Variants in GABBR2 observed in about 807,000 individuals in gnomAD.
GABBR2 encodes the protein gamma-aminobutyric acid type B receptor subunit 2.
GABBR2 carries 23 observed loss-of-function variants against 105.6 expected under a neutral mutation model. The observed-to-expected ratio is 0.22, with a 90% CI of 0.16 to 0.31. The LOEUF (loss-of-function observed/expected upper bound fraction) is 0.31. Ranked by LOEUF, GABBR2 falls within the 10% of genes least tolerant of loss-of-function variation. GABBR2 has a pLI of 1.00. For synonymous variants in GABBR2, 478 were observed against 499.7 expected, an observed-to-expected ratio of 0.96 and a Z score of 0.58; for missense variants, 734 against 1,245.5, an observed-to-expected ratio of 0.59 and a Z score of 6.18.
chr9:98,402,034 G>A (rs554211175), intron 8 of GABBR2, among the ~76,000 whole-genome samples: 2 of 152,260 alleles, frequency 1.3e-5, no homozygotes, highest in South Asian at 2.1e-4. Context: ...CAATTATGTC[G>A]TTAGAGTGAA....
At chr9:98,340,432 C>CTT (rs201062238) in intron 13 of GABBR2, among the ~76,000 whole-genome samples, 1 of 147,466 alleles carries the variant, frequency 6.8e-6, no homozygotes, top group African/African-American at 2.5e-5. Flanking sequence ...CTCTCTCTCT[C>CTT]TTTTTTTTTT....
intron 4 of GABBR2, among the ~76,000 whole-genome samples, chr9:98,489,111 A>C (rs1827121492): frequency 6.6e-6 from 1 of 152,226 alleles, no homozygotes; most frequent in Non-Finnish European, 1.5e-5. Context: ...GTGGTAAATG[A>C]ATGTGTTCCT....
intron 1 of GABBR2, among the ~76,000 whole-genome samples, chr9:98,647,617 C>T (rs1564140593): frequency 6.6e-6 from 1 of 152,188 alleles, no homozygotes; most frequent in South Asian, 2.1e-4. Flanking sequence ...GCCCTATCCC[C>T]CTGGATACTG....
At chr9:98,655,882 G>A (rs1830177219) in intron 1 of GABBR2, among the ~76,000 whole-genome samples, 1 of 152,164 alleles carries the variant, frequency 6.6e-6, no homozygotes, top group Admixed American at 6.5e-5. Context: ...AATACCTAAT[G>A]TAGATCACGG....
intron 1 of GABBR2, among the ~76,000 whole-genome samples, chr9:98,603,670 G>A (rs1168956954): frequency 2.0e-5 from 3 of 152,166 alleles, no homozygotes; most frequent in Non-Finnish European, 4.4e-5. Flanking sequence ...ACAAAGATGT[G>A]ATTTTCCCAA....
intron 7 of GABBR2, among the ~76,000 whole-genome samples, chr9:98,435,959 TG>T (rs2131579236): frequency 6.6e-6 from 1 of 152,208 alleles, no homozygotes; most frequent in East Asian, 1.9e-4. Flanking sequence ...TATATTTAAA[TG>T]GTTATTCGGA....
At chr9:98,567,833 G>C (rs1828773115) in intron 2 of GABBR2, among the ~76,000 whole-genome samples, 1 of 152,168 alleles carries the variant, frequency 6.6e-6, no homozygotes, top group Non-Finnish European at 1.5e-5. Flanking sequence ...CCAGTCCTCT[G>C]TTCAGTCTCC....
intron 13 of GABBR2, among the ~76,000 whole-genome samples, chr9:98,324,709 G>A (rs940940739): frequency 3.3e-5 from 5 of 152,196 alleles, no homozygotes; most frequent in Non-Finnish European, 5.9e-5. Flanking sequence ...TACCTGGGTA[G>A]CAGCAGGCCA....
intron 7 of GABBR2, among the ~76,000 whole-genome samples, chr9:98,410,895 A>G (rs1564056999): frequency 1.3e-5 from 2 of 152,074 alleles, no homozygotes; most frequent in African/African-American, 2.4e-5. Flanking sequence ...GGGCATGGCA[A>G]TTTTCTGAAG....
chr9:98,500,387 G>A (rs1005370853), intron 3 of GABBR2, among the ~76,000 whole-genome samples: 1 of 152,198 alleles, frequency 6.6e-6, no homozygotes, highest in Non-Finnish European at 1.5e-5. Context: ...GATGGGCAGG[G>A]GAGGTTAGAA....
intron 1 of GABBR2, among the ~76,000 whole-genome samples, chr9:98,627,671 C>T (rs1023481925): frequency 2.6e-5 from 4 of 152,214 alleles, no homozygotes; most frequent in African/African-American, 4.8e-5. Flanking sequence ...CCCATCAGGG[C>T]GTTCTGAAGC....
chr9:98,618,084 T>G (rs1272716260), intron 1 of GABBR2, among the ~76,000 whole-genome samples: 1 of 152,208 alleles, frequency 6.6e-6, no homozygotes, highest in Non-Finnish European at 1.5e-5. Flanking sequence ...ATTCTTGCCA[T>G]CATGAAGAAA....
At chr9:98,375,234 G>A (rs779217151) in intron 11 of GABBR2, 1 of 152,174 alleles carries the variant, frequency 6.6e-6, no homozygotes, top group East Asian at 1.9e-4. Flanking sequence ...GGTCTGACAC[G>A]CGCTGTTTCC....
intron 3 of GABBR2, among the ~76,000 whole-genome samples, chr9:98,540,762 A>G (rs945310219): frequency 3.3e-5 from 5 of 152,252 alleles, no homozygotes; most frequent in African/African-American, 9.6e-5. Context: ...TGGAGGCTCC[A>G]AGTATCAAAA....
At chr9:98,512,905 C>A (rs1827678653) in intron 3 of GABBR2, among the ~76,000 whole-genome samples, 1 of 152,146 alleles carries the variant, frequency 6.6e-6, no homozygotes, top group Admixed American at 6.5e-5. Context: ...GAGAAAACTA[C>A]TTTAAAGTTC....
intron 2 of GABBR2, among the ~76,000 whole-genome samples, chr9:98,561,205 T>C (rs1199836070): frequency 6.6e-6 from 1 of 152,114 alleles, no homozygotes; most frequent in Non-Finnish European, 1.5e-5. Flanking sequence ...AATTATAGAA[T>C]GACCCATATT....
At chr9:98,506,561 G>T (rs1827516025) in intron 3 of GABBR2, among the ~76,000 whole-genome samples, 1 of 152,208 alleles carries the variant, frequency 6.6e-6, no homozygotes, top group Admixed American at 6.5e-5. Flanking sequence ...ACACAGGGGT[G>T]AGTCCCAGGG....
chr9:98,465,367 C>G (rs1826527486), intron 6 of GABBR2, among the ~76,000 whole-genome samples: 1 of 152,020 alleles, frequency 6.6e-6, no homozygotes, highest in African/African-American at 2.4e-5. Flanking sequence ...TGATCATTAC[C>G]TCACATCCTA....
chr9:98,330,632 T>C (rs1831007762), intron 13 of GABBR2, among the ~76,000 whole-genome samples: 2 of 152,214 alleles, frequency 1.3e-5, no homozygotes, highest in Admixed American at 6.5e-5. Context: ...TGCTCCAGTA[T>C]TGGACACTTG....
Sources: gnomAD v4.1 joint callset for allele counts (sites outside exome capture counted in the v4.1 genomes callset) on GRCh38, gnomAD v4.1.1 for gene constraint, MANE v1.5 for transcripts, NCBI Gene and HGNC (gene_info 2026-07-23, HGNC 2026-07-21) for gene names.